GORASP1: variants seen among roughly 807,000 people sequenced by gnomAD.
The protein encoded by GORASP1 is golgi reassembly stacking protein 1.
A neutral mutation model predicts 37.7 loss-of-function variants in GORASP1; 31 were observed. That is an observed-to-expected ratio of 0.82 (90% CI 0.62 to 1.11). The LOEUF is 1.11. Ranked by LOEUF, GORASP1 falls within the 50% of genes least tolerant of loss-of-function variation. The probability of loss-of-function intolerance (pLI) is 0.00; values close to 1 mark genes in which losing one functional copy is unlikely to be tolerated. For missense variants in GORASP1, 476 were observed against 560.7 expected (o/e 0.85, Z 1.53); for synonymous variants, 204 against 224.8 (o/e 0.91, Z 0.83).
rs1021151464 is a variant in GORASP1 at position 39,103,294 on chromosome 3, T to G, written c.144+179A>C. 1.5e-5 allele frequency: 9 copies of G among 599,440 alleles called. No homozygotes were observed. The Admixed American group carries it at 2.1e-4, about 14-fold the overall frequency. The allele number at this position is 599,440 out of a possible 1,614,324, so 37.1% of individuals were successfully genotyped here. ...TGTCCACCCCACAGAGCTCAGAAGC[T>G]GAGCACTGGGCAGGGCCCCAGTCAG... On this transcript the variant is annotated intron_variant, in intron 2 of 8. Coordinates refer to ENST00000319283, the MANE Select transcript of GORASP1 (RefSeq NM_031899.4). This position sits in a 1 kb window ranked among gnomAD's most constrained non-coding sequence, Gnocchi z 5.2.
In GORASP1 at chr3:39,102,053, G is replaced by T. The variant is rs2035752941; in HGVS notation, c.348+625C>A. Among the ~76,000 whole-genome samples, 1 of 147,522 alleles carries T rather than the reference G, an allele frequency of 6.8e-6. No homozygotes were observed. Among genetic ancestry groups the T allele is most frequent in the Non-Finnish European group, 1.5e-5 (1 of 67,706 alleles). On this transcript the variant is annotated intron_variant, in intron 3 of 8. Coordinates refer to ENST00000319283, the MANE Select transcript of GORASP1 (RefSeq NM_031899.4). This position sits in a 1 kb window ranked among gnomAD's most constrained non-coding sequence, Gnocchi z 5.0. ...ATATATTCTGAGAAATGCATTGTTAGTTGACTTCATTGTTGTGCAAACATC... is the reference window on the plus strand; with the variant it reads ...ATATATTCTGAGAAATGCATTGTTATTTGACTTCATTGTTGTGCAAACATC...
Position 39,105,613 on chromosome 3 carries a change from G to T in GORASP1, c.63+1866C>A, listed in dbSNP as rs1403336538. The stretch of plus-strand genomic sequence containing the variant: ...TGCCACTACTCTAAGCTCGCTGAGG[G>T]CAGCGACTTCTCCAAAGTATTGGGC... On this transcript the variant is annotated intron_variant, in intron 1 of 8. Transcript: ENST00000319283. The surrounding 1 kb of genome is among the most constrained non-coding windows in gnomAD (Gnocchi z 5.4). 6.6e-6 allele frequency among the ~76,000 whole-genome samples: 1 copy of T among 152,158 alleles called. No homozygotes were observed. The highest frequency in any genetic ancestry group is 2.4e-5 in the African/African-American group (1 of 41,412).
rs1420113774 is a variant in GORASP1 at position 39,100,859 on chromosome 3, G to A, written c.454C>T (p.Leu152Phe). The change falls in exon 5 of 9, where the codon CTC becomes TTC. Residue 152 changes from leucine (L) to phenylalanine (F), a missense_variant. Coordinates refer to ENST00000319283, the MANE Select transcript of GORASP1 (RefSeq NM_031899.4). The surrounding 1 kb of genome is among the most constrained non-coding windows in gnomAD (Gnocchi z 4.6). ...GGCTTCCCCTCATGAGACTCGATGA[G>A]CGTAAAGAAGTCCTCGGACTGTGAG... Reference protein sequence around the residue: ...ILQESEDFFTLIESHEGKPLK... With the variant: ...ILQESEDFFTFIESHEGKPLK... The A allele has an allele frequency of 3.7e-6, 6 of 1,614,064 alleles. No homozygotes were observed. Among genetic ancestry groups the A allele is most frequent in the Non-Finnish European group, 5.1e-6 (6 of 1,180,014 alleles).
chr3:39,103,220 G>A lies in GORASP1; in HGVS notation c.144+253C>T. On this transcript the variant is annotated intron_variant, in intron 2 of 8. Transcript: ENST00000319283. The surrounding 1 kb of genome is among the most constrained non-coding windows in gnomAD (Gnocchi z 5.2). ...CCCTCATATCCCTCATGCCCCAGGA[G>A]GCAGGCCCCTTGGGCCTTGTTGCCA... 1 of 588,578 alleles carries A rather than the reference G, an allele frequency of 1.7e-6. No homozygotes were observed. The highest frequency in any genetic ancestry group is 2.8e-5 in the East Asian group (1 of 35,618). The allele number at this position is 588,578 out of a possible 1,614,324, so 36.5% of individuals were successfully genotyped here.
At position 39,100,943 on chromosome 3, in the gene GORASP1, T is replaced by G. The variant is rs2035663167; in HGVS notation, c.436-66A>C. The G allele has an allele frequency of 1.2e-6, 2 of 1,613,658 alleles. No individual in the cohort carries two copies. The highest frequency in any genetic ancestry group is 1.7e-6 in the Non-Finnish European group (2 of 1,179,622). On this transcript the variant is annotated intron_variant, in intron 4 of 8. Coordinates refer to ENST00000319283, the MANE Select transcript of GORASP1 (RefSeq NM_031899.4). The surrounding 1 kb of genome is among the most constrained non-coding windows in gnomAD (Gnocchi z 4.6). ...TAAAGCCTCAACAAAACCAGACACT[T>G]CTCATGGACAGCACCCTTCTCTTCA... is the stretch of plus-strand genomic sequence containing the variant.
At position 39,098,846 on chromosome 3, in the gene GORASP1, T is replaced by C. The variant is rs184502134; in HGVS notation, c.964A>G (p.Ser322Gly). 123 of 1,614,134 alleles carry C rather than the reference T, an allele frequency of 7.6e-5. 2 individuals carry two copies. In the East Asian group the frequency reaches 2.5e-3, roughly 32 times the overall value. The change falls in exon 8 of 9, where the codon AGT (serine) becomes GGT (glycine). Residue 322 changes from serine to glycine, a missense_variant. By Grantham distance (56) the Ser-to-Gly change is moderately conservative. Transcript: ENST00000319283. The surrounding 1 kb of genome is among the most constrained non-coding windows in gnomAD (Gnocchi z 4.7). ...GISLLDNSNA[S>G]VWPSLPSSTE... ...GAAGAGGGCAGGCTGGGCCACACAC[T>C]GGCATTGCTGTTGTCCAAGAGAGAA...
Position 39,098,925 on chromosome 3 carries a change from A to G in GORASP1, c.917-32T>C. On this transcript the variant is annotated intron_variant, in intron 7 of 8. Transcript: ENST00000319283. This position sits in a 1 kb window ranked among gnomAD's most constrained non-coding sequence, Gnocchi z 4.7. ...GAGGGTGGTGCAGTTCTTTGCCAGC[A>G]AGAAACCCTGACTGCTGGAAAGCAG... 2 of 1,611,854 alleles carry G rather than the reference A, an allele frequency of 1.2e-6. No homozygotes were observed. Among genetic ancestry groups the G allele is most frequent in the Non-Finnish European group, 8.5e-7 (1 of 1,178,878 alleles).
chr3:39,102,416 T>G lies in GORASP1; in HGVS notation c.348+262A>C. On this transcript the variant is annotated intron_variant, in intron 3 of 8. Transcript: ENST00000319283. This position sits in a 1 kb window ranked among gnomAD's most constrained non-coding sequence, Gnocchi z 5.0. ...GTAGATGATATTTCTACCTTTCAAA[T>G]TAAGTAACCTAGGTATAGAAGGTAA... 1.8e-6 allele frequency: 1 copy of G among 562,066 alleles called. No individual in the cohort carries two copies. Among genetic ancestry groups the G allele is most frequent in the African/African-American group, 1.9e-5 (1 of 53,344 alleles). The allele number at this position is 562,066 out of a possible 1,614,324, so 34.8% of individuals were successfully genotyped here.
At chr3:39,107,017 G>A in intron 1 of GORASP1, 1 of 455,014 alleles carries the variant, frequency 2.2e-6, no homozygotes. Context: ...GCGCCGACGG[G>A]CTCCCCCGCA....
In GORASP1 at chr3:39,100,668, A is replaced by T. The variant is rs1428506739; in HGVS notation, c.566+79T>A. Reference sequence around the variant, plus strand: ...CAGGGCCCAACCCTCCTCCATCTCCACCATAGAACTCTGAGGTCCATGCCC... The same window carrying T: ...CAGGGCCCAACCCTCCTCCATCTCCTCCATAGAACTCTGAGGTCCATGCCC... On this transcript the variant is annotated intron_variant, in intron 5 of 8. Transcript: ENST00000319283. This position sits in a 1 kb window ranked among gnomAD's most constrained non-coding sequence, Gnocchi z 4.6. 6 of 1,557,808 alleles carry T rather than the reference A, an allele frequency of 3.9e-6. No homozygotes were observed. The East Asian group carries it at 1.3e-4, about 35-fold the overall frequency.
Position 39,102,409 on chromosome 3 carries a change from T to G in GORASP1, c.348+269A>C. The G allele has an allele frequency of 1.8e-6, 1 of 560,942 alleles. No individual in the cohort carries two copies. 34.7% of individuals were successfully genotyped at this position (560,942 alleles called of 1,614,324 possible). A position where few individuals can be genotyped will look rare whatever the true frequency, so the allele number is the denominator to read the frequency against. ...CATTCCAGTAGATGATATTTCTACC[T>G]TTCAAATTAAGTAACCTAGGTATAG... On this transcript the variant is annotated intron_variant, in intron 3 of 8. Transcript: ENST00000319283. The surrounding 1 kb of genome is among the most constrained non-coding windows in gnomAD (Gnocchi z 5.0).
chr3:39,104,657 G>C (rs1575465167), intron 1 of GORASP1, among the ~76,000 whole-genome samples: 1 of 152,220 alleles, frequency 6.6e-6, no homozygotes, highest in East Asian at 1.9e-4. Context: ...ATGAAGACTA[G>C]GCTGAGAACA....
At position 39,107,506 on chromosome 3, in the gene GORASP1, G is replaced by A; in HGVS notation, c.36C>T (p.Gly12=). 1.4e-6 allele frequency: 2 copies of A among 1,462,232 alleles called. No homozygotes were observed. Among genetic ancestry groups the A allele is most frequent in the Middle Eastern group, 2.0e-4 (1 of 5,000 alleles). 90.6% of individuals were successfully genotyped at this position (1,462,232 alleles called of 1,614,324 possible). A position where few individuals can be genotyped will look rare whatever the true frequency, so the allele number is the denominator to read the frequency against. ...GLGVSAEQPA[G]GAEGFHLHGV... Reference sequence around the variant, plus strand: ...CGTGGAGGTGGAAGCCCTCGGCGCCGCCTGCGGGCTGCTCAGCGCTGACGC... The same window carrying A: ...CGTGGAGGTGGAAGCCCTCGGCGCCACCTGCGGGCTGCTCAGCGCTGACGC... The change falls in exon 1 of 9, where the codon GGC becomes GGT. Residue 12 remains glycine (G), a synonymous_variant. Coordinates refer to ENST00000319283, the MANE Select transcript of GORASP1 (RefSeq NM_031899.4).
chr3:39,099,105 T>C (rs1385234394), intron 7 of GORASP1: 3 of 783,390 alleles, frequency 3.8e-6, no homozygotes, highest in Non-Finnish European at 6.6e-6. Context: ...ATCATGTGAA[T>C]AGCACAGTGG....
Position 39,098,186 on chromosome 3 carries a change from C to T in GORASP1, c.*50G>A. On this transcript the variant is annotated 3_prime_UTR_variant, in exon 9 of 9. Coordinates refer to ENST00000319283, the MANE Select transcript of GORASP1 (RefSeq NM_031899.4). The surrounding 1 kb of genome is among the most constrained non-coding windows in gnomAD (Gnocchi z 4.7). ...TAGTGCAGCCCGGGCTGCCTGCCCA[C>T]ATCTGGGCCTCATGAAATGTCATCA... is the stretch of plus-strand genomic sequence containing the variant. The T allele has an allele frequency of 6.3e-7, 1 of 1,591,734 alleles. No individual in the cohort carries two copies. Among genetic ancestry groups the T allele is most frequent in the South Asian group, 1.1e-5 (1 of 87,724 alleles).
In GORASP1 at chr3:39,097,131, G is replaced by A. The variant is rs1489880892; in HGVS notation, c.*1105C>T. On this transcript the variant is annotated 3_prime_UTR_variant, in exon 9 of 9. Transcript: ENST00000319283. ...CAGACATTCCTTGTCCTGCATACCT[G>A]ACACAGCTTGTGAGTTCCCTGCATG... 6.6e-6 allele frequency: 1 copy of A among 152,258 alleles called. No individual in the cohort carries two copies. The highest frequency in any genetic ancestry group is 1.5e-5 in the Non-Finnish European group (1 of 68,068). The allele number at this position is 152,258 out of a possible 1,614,324, so 9.4% of individuals were successfully genotyped here.
chr3:39,106,689 A>AC (rs1427649168), intron 1 of GORASP1, among the ~76,000 whole-genome samples: 1 of 151,572 alleles, frequency 6.6e-6, no homozygotes, highest in Non-Finnish European at 1.5e-5. Context: ...GGGGTCAGAG[A>AC]CCCCCAGCCC....
In GORASP1 at chr3:39,102,727, A is replaced by G. The variant is rs1416002288; in HGVS notation, c.299T>C (p.Val100Ala). 2 of 1,614,086 alleles carry G rather than the reference A, an allele frequency of 1.2e-6. No individual in the cohort carries two copies. The highest frequency in any genetic ancestry group is 2.7e-5 in the African/African-American group (2 of 74,932). Residue 100 changes from valine (V) to alanine (A), a missense_variant, in exon 3 of 9, where the codon GTG (valine) becomes GCG (alanine). Transcript: ENST00000319283. This position sits in a 1 kb window ranked among gnomAD's most constrained non-coding sequence, Gnocchi z 5.0. ...WGGQGLLGAS[V>A]RFCSFRRASE... is the part of the protein sequence containing the mutation. The stretch of plus-strand genomic sequence containing the variant: ...GGCCCTGCGGAAGCTGCAGAAGCGC[A>G]CACTGGCACCCAGTAGGCCCTGGCC...
At position 39,098,567 on chromosome 3, in the gene GORASP1, C is replaced by T. The variant is rs962034126; in HGVS notation, c.1070-78G>A. ...TGTTAGGGCCAGTAACCCCACCGAC[C>T]GCTCCCCATTGCCACTCCAGGTTTG... On this transcript the variant is annotated intron_variant, in intron 8 of 8. Coordinates refer to ENST00000319283, the MANE Select transcript of GORASP1 (RefSeq NM_031899.4). The surrounding 1 kb of genome is among the most constrained non-coding windows in gnomAD (Gnocchi z 4.7). 5.3e-5 allele frequency: 82 copies of T among 1,536,354 alleles called. No homozygotes were observed. In the African/African-American group the frequency reaches 8.9e-4, roughly 17 times the overall value.
Sources: gnomAD v4.1 joint callset for allele counts (sites outside exome capture counted in the v4.1 genomes callset) on GRCh38, gnomAD v4.1.1 for gene constraint, Gnocchi (gnomAD v3.1) non-coding constraint, MANE v1.5 for transcripts, NCBI Gene and HGNC (gene_info 2026-07-23, HGNC 2026-07-21) for gene names.